FARP2: variants seen among roughly 807,000 people sequenced by gnomAD.
The protein encoded by FARP2 is FERM, ARH/RhoGEF and pleckstrin domain protein 2, also known as FERM, ARHGEF and pleckstrin domain-containing protein 2.
In FARP2, 111 loss-of-function variants were observed where a neutral mutation model predicts 130.5. The ratio of observed to expected loss-of-function variants is 0.85; its 90% CI spans 0.73 to 1.00. The LOEUF is 1.00. Ranked by LOEUF, FARP2 falls within the 50% of genes least tolerant of loss-of-function variation. The pLI is 0.00. For synonymous variants in FARP2, 504 were observed against 516.9 expected, an observed-to-expected ratio of 0.98 and a Z score of 0.34; for missense variants, 1,385 against 1,346.3, an observed-to-expected ratio of 1.03 and a Z score of -0.45.
At chr2:241,375,406 G>A (rs2061513771) in intron 2 of FARP2, among the ~76,000 whole-genome samples, 4 of 151,492 alleles carry the variant, frequency 2.6e-5, no homozygotes, top group Admixed American at 6.6e-5. Flanking sequence ...CTTTTAGAGT[G>A]TCTTTTTTTT....
At chr2:241,457,059 CCT>C in intron 14 of FARP2, 137 bp downstream of exon 14, 1 of 747,668 alleles carries the variant, frequency 1.3e-6, no homozygotes, top group Non-Finnish European at 2.1e-6. Context: ...TTACCAGCCT[CCT>C]GAGCAGAGAG....
chr2:241,407,367 C>T (rs1278308484), intron 4 of FARP2, among the ~76,000 whole-genome samples, 170 bp from the exon 5 acceptor site: 1 of 152,170 alleles, frequency 6.6e-6, no homozygotes, highest in Non-Finnish European at 1.5e-5. Context: ...GGTGGGATTA[C>T]AGGCACACAC....
At chr2:241,443,160 T>G in intron 13 of FARP2, 1 of 219,726 alleles carries the variant, frequency 4.6e-6, no homozygotes. Context: ...GGAGAAAGAG[T>G]CCCACTGGGA....
chr2:241,433,129 T>TAA (rs56707238), intron 9 of FARP2, among the ~76,000 whole-genome samples: 10 of 143,972 alleles, frequency 6.9e-5, no homozygotes, highest in South Asian at 2.2e-4. Flanking sequence ...ACTCTGTAAG[T>TAA]AAAAAAAAAA....
At chr2:241,481,580 T>C (rs1012593378) in intron 19 of FARP2, among the ~76,000 whole-genome samples, 16 of 152,222 alleles carry the variant, frequency 1.1e-4, no homozygotes, top group African/African-American at 3.9e-4. Context: ...ACCACCACTC[T>C]TTCATTTCTC....
chr2:241,380,889 T>C (rs1321919764), intron 2 of FARP2, among the ~76,000 whole-genome samples: 1 of 152,062 alleles, frequency 6.6e-6, no homozygotes, highest in African/African-American at 2.4e-5. Context: ...GTGTTGAACA[T>C]GCCCTGCCTC....
chr2:241,483,559 T>A (rs1299406707), intron 20 of FARP2, 26 bp downstream of exon 20: 24 of 1,606,604 alleles, frequency 1.5e-5, no homozygotes, highest in Non-Finnish European at 2.0e-5. Context: ...ACTCAAGCTG[T>A]GCTTCCCCCC....
At chr2:241,480,794 A>C (rs978459687) in intron 19 of FARP2, among the ~76,000 whole-genome samples, 1 of 152,118 alleles carries the variant, frequency 6.6e-6, no homozygotes, top group Non-Finnish European at 1.5e-5. Context: ...TCTTCCATTT[A>C]AATCTTTGAT....
chr2:241,465,886 C>T, intron 17 of FARP2: 1 of 1,459,140 alleles, frequency 6.9e-7, no homozygotes, highest in Non-Finnish European at 9.0e-7. Context: ...GAGATAGCCC[C>T]ACTTGAAGAA....
chr2:241,450,443 G>A (rs573713866), intron 13 of FARP2, among the ~76,000 whole-genome samples: 73 of 149,476 alleles, frequency 4.9e-4, no homozygotes, highest in Middle Eastern at 7.0e-3. Flanking sequence ...TGAGGTGGGC[G>A]GATCACGAGG....
intron 2 of FARP2, chr2:241,387,058 ATAT>A (rs1257518348): frequency 6.6e-6 from 1 of 152,192 alleles, no homozygotes; most frequent in Non-Finnish European, 1.5e-5. Context: ...TATGTTTCTT[ATAT>A]ACAGCCTAAT....
intron 7 of FARP2, among the ~76,000 whole-genome samples, chr2:241,413,766 G>C (rs1392700793): frequency 6.6e-6 from 1 of 152,042 alleles, no homozygotes; most frequent in Admixed American, 6.6e-5. Flanking sequence ...AACATAGTGA[G>C]ACCCCATCTC....
chr2:241,441,273 C>CTTTTTTTTTT, intron 12 of FARP2, 31 bp from the exon 13 acceptor site: 2 of 1,537,514 alleles, frequency 1.3e-6, no homozygotes, highest in Admixed American at 2.1e-5. Flanking sequence ...ATTTTATATC[C>CTTTTTTTTTT]TTTTTTTCTT....
At chr2:241,451,521 TTGTG>T (rs974516974) in intron 13 of FARP2, among the ~76,000 whole-genome samples, 1 of 152,156 alleles carries the variant, frequency 6.6e-6, no homozygotes, top group Non-Finnish European at 1.5e-5. Flanking sequence ...GGCCTCATCT[TTGTG>T]TGTGGTCGGT....
Position 241,493,294 on chromosome 2 carries a change from A to G in FARP2, c.2897A>G (p.Asp966Gly). The change falls in exon 26 of 27, where the codon GAT (aspartate) becomes GGT (glycine). Residue 966 changes from aspartate to glycine, a missense_variant and splice_region_variant. Physicochemically the swap from Asp to Gly is moderately conservative, Grantham distance 94. Transcript: ENST00000264042. The stretch of plus-strand genomic sequence containing the variant: ...CCGTGTCCCTATGCTGTCTTGCAGG[A>G]TGACTACCCACTGGCCAGCCTCCCG... ...FCLFFYKTHQ[D>G]DYPLASLPLL... 6.2e-7 allele frequency: 1 copy of G among 1,613,712 alleles called. No individual in the cohort carries two copies. Among genetic ancestry groups the G allele is most frequent in the Non-Finnish European group, 8.5e-7 (1 of 1,179,966 alleles).
At chr2:241,424,810 G>T (rs2062890892) in intron 8 of FARP2, among the ~76,000 whole-genome samples, 1 of 152,140 alleles carries the variant, frequency 6.6e-6, no homozygotes, top group African/African-American at 2.4e-5. Context: ...ATCAGAGAAT[G>T]CTATAAACAC....
At chr2:241,431,593 A>G in intron 8 of FARP2, 86 bp from the exon 9 acceptor site, 1 of 723,266 alleles carries the variant, frequency 1.4e-6, no homozygotes, top group South Asian at 1.6e-5. Context: ...TGTGTTGGCA[A>G]GGATGTAATT....
Position 241,441,302 on chromosome 2 carries a change from A to T in FARP2, c.1159-2A>T. 6.4e-7 allele frequency: 1 copy of T among 1,570,122 alleles called. No homozygotes were observed. The highest frequency in any genetic ancestry group is 8.6e-7 in the Non-Finnish European group (1 of 1,157,624). On this transcript the variant is annotated splice_acceptor_variant, in intron 12 of 26. Transcript: ENST00000264042. LOFTEE classifies it high-confidence loss of function. Reference sequence around the variant, plus strand: ...TTTTCTTTTCTTAACTTTGGTTCCCAGAGCATCTCATTCCCCGAGGGATTG... The same window carrying T: ...TTTTCTTTTCTTAACTTTGGTTCCCTGAGCATCTCATTCCCCGAGGGATTG...
intron 1 of FARP2, among the ~76,000 whole-genome samples, chr2:241,356,715 G>T (rs2061076086): frequency 6.6e-6 from 1 of 152,112 alleles, no homozygotes. Flanking sequence ...GGAGTGTCCC[G>T]CGTGGACTCG....
Sources: gnomAD v4.1 joint callset for allele counts (sites outside exome capture counted in the v4.1 genomes callset) on GRCh38, gnomAD v4.1.1 for gene constraint, MANE v1.5 for transcripts, NCBI Gene and HGNC (gene_info 2026-07-23, HGNC 2026-07-21) for gene names.